HTT-AS: variants seen among roughly 807,000 people sequenced by gnomAD.
The protein encoded by HTT-AS is HTT antisense RNA.
At chr4:3,071,472 T>C (rs1168689482) in intron 1 of HTT-AS, among the ~76,000 whole-genome samples, 1 of 152,142 alleles carries the variant, frequency 6.6e-6, no homozygotes, top group Non-Finnish European at 1.5e-5. Context: ...TCTCCCTGGC[T>C]AGCACTTACT....
intron 1 of HTT-AS, among the ~76,000 whole-genome samples, chr4:3,068,340 C>T (rs1450892600): frequency 7.1e-6 from 1 of 141,468 alleles, no homozygotes; most frequent in Non-Finnish European, 1.5e-5. Context: ...AAAAGGGTGA[C>T]GAAGCTTCAA....
intron 2 of HTT-AS, among the ~76,000 whole-genome samples, chr4:3,052,466 ACT>A (rs1292230719): frequency 6.6e-6 from 1 of 152,208 alleles, no homozygotes; most frequent in Non-Finnish European, 1.5e-5. Flanking sequence ...ACTCTGTTTT[ACT>A]CATGAAACCC....
chr4:3,069,476 T>A (rs1712122234), intron 1 of HTT-AS, among the ~76,000 whole-genome samples: 1 of 152,034 alleles, frequency 6.6e-6, no homozygotes, highest in Admixed American at 6.6e-5. Flanking sequence ...ACTTTCAAAC[T>A]AACAGAGGTT....
intron 2 of HTT-AS, among the ~76,000 whole-genome samples, chr4:3,050,735 G>T (rs973376586): frequency 2.0e-5 from 3 of 152,120 alleles, no homozygotes; most frequent in Non-Finnish European, 4.4e-5. Context: ...TTTAATTTTG[G>T]AACATATATT....
intron 1 of HTT-AS, among the ~76,000 whole-genome samples, chr4:3,064,362 G>A (rs1319070652): frequency 6.6e-6 from 1 of 152,076 alleles, no homozygotes; most frequent in Non-Finnish European, 1.5e-5. Flanking sequence ...CCAAAGTGCT[G>A]GGATTACAGG....
Position 3,070,037 on chromosome 4 carries a change from C to A in HTT-AS, n.113+4389G>T, listed in dbSNP as rs563286722. 3 of 152,356 alleles carry A rather than the reference C, an allele frequency of 2.0e-5. 1 individual carries two copies. The highest frequency in any genetic ancestry group is 1.3e-4 in the Admixed American group (2 of 15,264). 9.4% of individuals were successfully genotyped at this position (152,356 alleles called of 1,614,324 possible). ...CCCCTGCCCAGGCTGGTGTGCACCC[C>A]CTCTGGCTGCTTTCAAGGCCTCTTC... On this transcript the variant is annotated intron_variant and non_coding_transcript_variant, in intron 1 of 2. Coordinates refer to ENST00000664062, the Ensembl canonical transcript of HTT-AS.
At chr4:3,070,918 A>G (rs1313588001) in intron 1 of HTT-AS, among the ~76,000 whole-genome samples, 1 of 152,228 alleles carries the variant, frequency 6.6e-6, no homozygotes, top group African/African-American at 2.4e-5. Flanking sequence ...CCTCAGAGAC[A>G]CCATGCCAGA....
At chr4:3,052,940 G>A (rs1711734209) in intron 2 of HTT-AS, among the ~76,000 whole-genome samples, 1 of 151,960 alleles carries the variant, frequency 6.6e-6, no homozygotes, top group Admixed American at 6.5e-5. Flanking sequence ...AGGTTGCAGT[G>A]AACTGAGATG....
intron 1 of HTT-AS, among the ~76,000 whole-genome samples, chr4:3,068,647 G>A (rs896471270): frequency 6.7e-6 from 1 of 149,712 alleles, no homozygotes; most frequent in Non-Finnish European, 1.5e-5. Context: ...ATATATGTGT[G>A]TGTAGCTTTT....
chr4:3,057,261 C>T (rs1397042815), intron 2 of HTT-AS, among the ~76,000 whole-genome samples: 1 of 152,132 alleles, frequency 6.6e-6, no homozygotes, highest in Non-Finnish European at 1.5e-5. Context: ...TCTTCATCTC[C>T]TGACCTCGTG....
At position 3,071,727 on chromosome 4, in the gene HTT-AS, G is replaced by C. The variant is rs554763257; in HGVS notation, n.113+2699C>G. 3.7e-4 allele frequency among the ~76,000 whole-genome samples: 56 copies of C among 152,200 alleles called. 1 individual carries two copies. Among genetic ancestry groups the C allele is most frequent in the Admixed American group, 3.7e-3 (56 of 15,292 alleles). On this transcript the variant is annotated intron_variant and non_coding_transcript_variant, in intron 1 of 2. Coordinates refer to ENST00000664062, the Ensembl canonical transcript of HTT-AS. Reference sequence around the variant, plus strand: ...TAAGGAGGTAAGGAGGCTAAAATGAGATCATTAGGGTGGGCCATAATCCGA... The same window carrying C: ...TAAGGAGGTAAGGAGGCTAAAATGACATCATTAGGGTGGGCCATAATCCGA...
chr4:3,055,139 G>C (rs939780118), intron 2 of HTT-AS, among the ~76,000 whole-genome samples: 1 of 151,854 alleles, frequency 6.6e-6, no homozygotes, highest in Admixed American at 6.6e-5. Context: ...ACGAGGTCAG[G>C]AGATCGAGAC....
chr4:3,046,187 C>G (rs1364165501), downstream of HTT-AS, among the ~76,000 whole-genome samples: 3 of 152,342 alleles, frequency 2.0e-5, no homozygotes, highest in East Asian at 3.9e-4. Context: ...ACGAATTGGG[C>G]AGCCCCCAGA....
At chr4:3,049,906 TCACACACACACACACA>T (rs57430954) in intron 2 of HTT-AS, among the ~76,000 whole-genome samples, 192 of 134,720 alleles carry the variant, frequency 1.4e-3, no homozygotes, top group East Asian at 3.9e-3. Context: ...TTGTAAGTTA[TCACACACACACACACA>T]CACACACACA....
chr4:3,065,311 T>C (rs1429420549), intron 1 of HTT-AS, among the ~76,000 whole-genome samples: 1 of 151,990 alleles, frequency 6.6e-6, no homozygotes, highest in Non-Finnish European at 1.5e-5. Flanking sequence ...CAATGTTGGC[T>C]CACTGCACGC....
chr4:3,059,843 G>T (rs914512397), intron 2 of HTT-AS, among the ~76,000 whole-genome samples: 1 of 151,752 alleles, frequency 6.6e-6, no homozygotes, highest in Non-Finnish European at 1.5e-5. Flanking sequence ...AAAATGCTGG[G>T]ATTACAGGCC....
intron 2 of HTT-AS, among the ~76,000 whole-genome samples, chr4:3,060,874 A>G (rs1245242713): frequency 6.6e-6 from 1 of 152,218 alleles, no homozygotes; most frequent in Admixed American, 6.5e-5. Flanking sequence ...CTATGTAAAC[A>G]TTATGCCTGG....
chr4:3,065,687 C>T (rs1012351176), intron 1 of HTT-AS, among the ~76,000 whole-genome samples: 15 of 152,346 alleles, frequency 9.8e-5, no homozygotes, highest in African/African-American at 1.9e-4. Flanking sequence ...CAGACACTGA[C>T]GTCAGCCTAC....
intron 2 of HTT-AS, among the ~76,000 whole-genome samples, chr4:3,052,354 A>G (rs917112682): frequency 6.6e-6 from 1 of 152,200 alleles, no homozygotes; most frequent in African/African-American, 2.4e-5. Context: ...TAAAGAGTGC[A>G]ATGGTTAAAA....
Sources: gnomAD v4.1 joint callset for allele counts (sites outside exome capture counted in the v4.1 genomes callset) on GRCh38, gnomAD v4.1.1 for gene constraint, MANE v1.5 for transcripts, NCBI Gene and HGNC (gene_info 2026-07-23, HGNC 2026-07-21) for gene names.